PPARGC1A: variants seen among roughly 807,000 people sequenced by gnomAD.
The protein encoded by PPARGC1A is peroxisome proliferator-activated receptor gamma coactivator 1-alpha.
In PPARGC1A, 25 loss-of-function variants were observed where a neutral mutation model predicts 88.7. The ratio of observed to expected loss-of-function variants is 0.28; its 90% confidence interval spans 0.21 to 0.39. The LOEUF (loss-of-function observed/expected upper bound fraction) is 0.39. PPARGC1A is among the 10% of genes least tolerant of loss of function. The pLI, the probability that PPARGC1A is intolerant of heterozygous loss-of-function variation, is 1.00. For missense variants in PPARGC1A, 880 were observed against 968.7 expected (o/e 0.91, Z 1.22); for synonymous variants, 363 against 355.6 (o/e 1.02, Z -0.24).
chr4:23,894,586 T>G (rs1477625405), upstream of PPARGC1A, among the ~76,000 whole-genome samples: 2 of 152,150 alleles, frequency 1.3e-5, no homozygotes, highest in Non-Finnish European at 2.9e-5. Context: ...CAAGTTATGA[T>G]AGACAACCTT....
chr4:23,971,152 A>C, the PPARGC1A span, among the ~76,000 whole-genome samples: 1 of 152,192 alleles, frequency 6.6e-6, no homozygotes, highest in South Asian at 2.1e-4. Context: ...TCATATGTAT[A>C]TACATATATT....
the PPARGC1A span, among the ~76,000 whole-genome samples, chr4:24,359,535 C>CA: frequency 3.3e-5 from 5 of 150,616 alleles, no homozygotes; most frequent in Non-Finnish European, 7.4e-5. Context: ...TGTGTCCCCT[C>CA]AAAAAGATAT....
chr4:24,380,851 C>T, the PPARGC1A span, among the ~76,000 whole-genome samples: 4 of 151,790 alleles, frequency 2.6e-5, no homozygotes, highest in African/African-American at 7.3e-5. Flanking sequence ...GGCAAAAAGC[C>T]AGTGATTTGA....
the PPARGC1A span, among the ~76,000 whole-genome samples, chr4:24,302,879 T>A: frequency 2.6e-5 from 4 of 152,166 alleles, no homozygotes; most frequent in Non-Finnish European, 5.9e-5. Context: ...CTTCTCTAAA[T>A]GAAAAAGAAA....
the PPARGC1A span, among the ~76,000 whole-genome samples, chr4:24,470,965 G>A: frequency 6.6e-6 from 1 of 151,584 alleles, no homozygotes; most frequent in South Asian, 2.1e-4. The surrounding 1 kb of genome is among the most constrained non-coding windows in gnomAD (Gnocchi z 5.8). Context: ...GGTTGCTTTC[G>A]GGGTTTGTCT....
the PPARGC1A span, among the ~76,000 whole-genome samples, chr4:23,986,578 G>A: frequency 3.3e-5 from 5 of 152,094 alleles, no homozygotes; most frequent in Non-Finnish European, 5.9e-5. Flanking sequence ...CAGAAACCTA[G>A]ACTACATTAG....
At chr4:24,462,253 ATT>A in the PPARGC1A span, among the ~76,000 whole-genome samples, 1,511 of 143,288 alleles carry the variant, frequency 0.011, 13 homozygotes, top group Non-Finnish European at 0.015. Context: ...ACCCGGCTAA[ATT>A]TTTTTTTTTT....
At chr4:24,287,295 C>A in the PPARGC1A span, among the ~76,000 whole-genome samples, 49 of 151,936 alleles carry the variant, frequency 3.2e-4, no homozygotes, top group Non-Finnish European at 6.3e-4. Flanking sequence ...TAATGAGTCA[C>A]AAAATCTCAC....
chr4:24,056,685 G>A, the PPARGC1A span, among the ~76,000 whole-genome samples: 1 of 152,156 alleles, frequency 6.6e-6, no homozygotes. Context: ...GTCCTGATCT[G>A]TAAAATGAGG....
intron 10 of PPARGC1A, among the ~76,000 whole-genome samples, chr4:23,805,763 G>C (rs1005212246): frequency 2.0e-5 from 3 of 152,018 alleles, no homozygotes; most frequent in African/African-American, 7.2e-5. Context: ...TTTTAGAAAA[G>C]TTACTACTGT....
chr4:24,342,069 CAA>C, the PPARGC1A span, among the ~76,000 whole-genome samples: 1 of 152,144 alleles, frequency 6.6e-6, no homozygotes, highest in African/African-American at 2.4e-5. Flanking sequence ...TACTGAAACT[CAA>C]AGACTTCCCA....
chr4:24,388,352 A>G, the PPARGC1A span, among the ~76,000 whole-genome samples: 1 of 152,354 alleles, frequency 6.6e-6, no homozygotes, highest in African/African-American at 2.4e-5. Flanking sequence ...AGTAATAGGA[A>G]CACTTTTACA....
chr4:24,175,717 CTTCT>C, the PPARGC1A span, among the ~76,000 whole-genome samples: 1 of 151,526 alleles, frequency 6.6e-6, no homozygotes, highest in Non-Finnish European at 1.5e-5. Context: ...CCTTTTGTTG[CTTCT>C]TTTTTTATTT....
At chr4:24,090,742 T>C in the PPARGC1A span, among the ~76,000 whole-genome samples, 1 of 152,186 alleles carries the variant, frequency 6.6e-6, no homozygotes, top group African/African-American at 2.4e-5. Flanking sequence ...TGCGTAAAAA[T>C]ATGCATTAGA....
At chr4:23,922,583 G>A in the PPARGC1A span, among the ~76,000 whole-genome samples, 7 of 152,170 alleles carry the variant, frequency 4.6e-5, no homozygotes, top group South Asian at 1.4e-3. Flanking sequence ...CAGTAGTATG[G>A]GGTAAGGCTT....
chr4:24,282,306 G>A, the PPARGC1A span, among the ~76,000 whole-genome samples: 3 of 152,272 alleles, frequency 2.0e-5, no homozygotes, highest in Admixed American at 1.3e-4. Context: ...CCTACACTTT[G>A]AGTCAGTGGC....
chr4:24,370,729 TCA>T, the PPARGC1A span, among the ~76,000 whole-genome samples: 1 of 139,962 alleles, frequency 7.1e-6, no homozygotes, highest in Admixed American at 7.1e-5. Context: ...CATCTTCCTC[TCA>T]GTTTCTCCTG....
At chr4:24,339,233 TATATAC>T in the PPARGC1A span, among the ~76,000 whole-genome samples, 15,578 of 117,478 alleles carry the variant, frequency 0.13, 1,065 homozygotes, top group South Asian at 0.16. Context: ...TATATATATA[TATATAC>T]ACACACACAC....
In PPARGC1A at chr4:23,814,530, G is replaced by C; in HGVS notation, c.953C>G (p.Ser318Cys). 1.2e-6 allele frequency: 2 copies of C among 1,613,296 alleles called. No individual in the cohort carries two copies. Among genetic ancestry groups the C allele is most frequent in the Non-Finnish European group, 1.7e-6 (2 of 1,179,816 alleles). The change falls in exon 8 of 13, where the codon TCC becomes TGC. Residue 318 changes from serine to cysteine, a missense_variant. Transcript: ENST00000264867. ...TGGTGGCACCACAGTCTTGCAAGAG[G>C]ACTTCAGCTTTGGAGAAGCCCTAAA... is the stretch of plus-strand genomic sequence containing the variant. ...NPFRASPKLK[S>C]SCKTVVPPPS...
Sources: allele counts gnomAD v4.1 joint callset (sites outside exome capture counted in the v4.1 genomes callset), GRCh38; gene constraint gnomAD v4.1.1; non-coding constraint Gnocchi (gnomAD v3.1); transcripts MANE v1.5; gene names NCBI Gene and HGNC (gene_info 2026-07-23, HGNC 2026-07-21).